The following EEFSEC variants were observed in gnomAD, a reference collection of about 807,000 sequenced individuals.
EEFSEC encodes the protein eukaryotic elongation factor, selenocysteine-tRNA specific, also known as selenocysteine-specific elongation factor.
In EEFSEC, 43 loss-of-function variants were observed where a neutral mutation model predicts 42.1. The ratio of observed to expected loss-of-function variants is 1.02; its 90% CI spans 0.80 to 1.32. The LOEUF (loss-of-function observed/expected upper bound fraction) is 1.32, where lower values mean the gene tolerates loss of function less well. Ranked by LOEUF, EEFSEC falls within the 40% of genes most tolerant of loss-of-function variation. The probability of loss-of-function intolerance (pLI) is 0.00; values close to 1 mark genes in which losing one functional copy is unlikely to be tolerated. For missense variants in EEFSEC, 745 were observed against 803.6 expected, an observed-to-expected ratio of 0.93 and a Z score of 0.88; for synonymous variants, 354 against 339.1, an observed-to-expected ratio of 1.04 and a Z score of -0.48.
chr3:128,240,183 T>G (rs930517296), intron 1 of EEFSEC, among the ~76,000 whole-genome samples: 1 of 152,168 alleles, frequency 6.6e-6, no homozygotes, highest in South Asian at 2.1e-4. Flanking sequence ...TTTGTCCACT[T>G]GTGTTTGCCT....
At chr3:128,400,188 C>T (rs2068032733) in intron 6 of EEFSEC, among the ~76,000 whole-genome samples, 1 of 152,254 alleles carries the variant, frequency 6.6e-6, no homozygotes, top group Non-Finnish European at 1.5e-5. Flanking sequence ...GTGCCACCCA[C>T]ACACCTCCGT....
In EEFSEC at chr3:128,234,241, T is replaced by C. The variant is rs56726651; in HGVS notation, c.317-12595T>C. 8.9e-3 allele frequency among the ~76,000 whole-genome samples: 1,353 copies of C among 152,136 alleles called. 25 individuals carry two copies. Among genetic ancestry groups the C allele is most frequent in the African/African-American group, 0.03 (1,256 of 41,494 alleles). On this transcript the variant is annotated intron_variant, in intron 1 of 6. Coordinates refer to ENST00000254730, the MANE Select transcript of EEFSEC (RefSeq NM_021937.5). ...CTAATTATTGTATTTTTAGTAGAGA[T>C]GGCATTTCATCATGTTGGCCAGGCT...
the EEFSEC span, among the ~76,000 whole-genome samples, chr3:128,420,496 G>A: frequency 6.6e-6 from 1 of 152,262 alleles, no homozygotes; most frequent in East Asian, 1.9e-4. Flanking sequence ...AGGTGTGGGC[G>A]CCCTGCTCAG....
chr3:128,222,772 AG>A (rs1217033625), intron 1 of EEFSEC, among the ~76,000 whole-genome samples: 1 of 152,270 alleles, frequency 6.6e-6, no homozygotes, highest in Non-Finnish European at 1.5e-5. Context: ...CTGTAAAGGA[AG>A]GAAGGGACAG....
chr3:128,187,737 C>T (rs550644607), intron 1 of EEFSEC, among the ~76,000 whole-genome samples: 2 of 152,276 alleles, frequency 1.3e-5, no homozygotes, highest in African/African-American at 4.8e-5. Flanking sequence ...GCATCAAAGA[C>T]CATACAATAC....
At chr3:128,304,811 C>T (rs1341686185) in intron 4 of EEFSEC, among the ~76,000 whole-genome samples, 1 of 152,094 alleles carries the variant, frequency 6.6e-6, no homozygotes, top group African/African-American at 2.4e-5. Flanking sequence ...TCAGATGATC[C>T]TCCCACCTCA....
intron 4 of EEFSEC, among the ~76,000 whole-genome samples, chr3:128,315,270 G>A (rs73861039): frequency 0.011 from 1,750 of 152,342 alleles, 26 homozygotes; most frequent in African/African-American, 0.037. Flanking sequence ...GGCCCAGGGT[G>A]AGGTATGTGA....
intron 6 of EEFSEC, among the ~76,000 whole-genome samples, chr3:128,392,250 A>T (rs1277550830): frequency 6.6e-6 from 1 of 152,192 alleles, no homozygotes; most frequent in Admixed American, 6.5e-5. Flanking sequence ...GACATTGCAG[A>T]TGCAGGTTCT....
At chr3:128,412,482 G>A (rs2068180712), downstream of EEFSEC, among the ~76,000 whole-genome samples, 1 of 152,238 alleles carries the variant, frequency 6.6e-6, no homozygotes, top group Non-Finnish European at 1.5e-5. Flanking sequence ...CTCCTGCCAA[G>A]GGGCTGCATG....
At chr3:128,233,971 A>G (rs1291481387) in intron 1 of EEFSEC, among the ~76,000 whole-genome samples, 1 of 152,160 alleles carries the variant, frequency 6.6e-6, no homozygotes, top group African/African-American at 2.4e-5. Context: ...TAAGCATGCA[A>G]TATGTGTTCA....
chr3:128,335,337 G>C (rs2067178029), intron 4 of EEFSEC, among the ~76,000 whole-genome samples: 1 of 152,212 alleles, frequency 6.6e-6, no homozygotes, highest in Non-Finnish European at 1.5e-5. Flanking sequence ...GAGAGTGACA[G>C]GGATAGGCCA....
chr3:128,224,454 A>G (rs1473583461), intron 1 of EEFSEC, among the ~76,000 whole-genome samples: 1 of 152,166 alleles, frequency 6.6e-6, no homozygotes, highest in Non-Finnish European at 1.5e-5. Flanking sequence ...CTCACTTAAC[A>G]TTTATCATGT....
chr3:128,282,342 G>C (rs767782895), intron 4 of EEFSEC, among the ~76,000 whole-genome samples: 1 of 152,240 alleles, frequency 6.6e-6, no homozygotes, highest in Admixed American at 6.5e-5. Flanking sequence ...TTTTTGATGT[G>C]CACCATGGAT....
intron 5 of EEFSEC, among the ~76,000 whole-genome samples, chr3:128,353,870 G>C (rs1313544197): frequency 6.6e-6 from 1 of 152,144 alleles, no homozygotes. Context: ...AATGATATGG[G>C]GACACCTCAC....
At chr3:128,277,041 C>T (rs1249831140) in intron 4 of EEFSEC, among the ~76,000 whole-genome samples, 9 of 152,312 alleles carry the variant, frequency 5.9e-5, no homozygotes, top group South Asian at 4.1e-4. Flanking sequence ...CTGGGCAGAG[C>T]GGCTCTGCCT....
At chr3:128,187,475 T>C (rs1399117427) in intron 1 of EEFSEC, among the ~76,000 whole-genome samples, 1 of 152,194 alleles carries the variant, frequency 6.6e-6, no homozygotes, top group Non-Finnish European at 1.5e-5. Context: ...CTTCAGCCAG[T>C]TGGTTACTTG....
intron 4 of EEFSEC, among the ~76,000 whole-genome samples, chr3:128,266,930 C>T (rs2066360326): frequency 6.6e-6 from 1 of 152,100 alleles, no homozygotes; most frequent in South Asian, 2.1e-4. Context: ...GAAAATGAAT[C>T]AGTACTAAAT....
At chr3:128,301,616 C>A (rs1038040831) in intron 4 of EEFSEC, among the ~76,000 whole-genome samples, 8 of 152,160 alleles carry the variant, frequency 5.3e-5, no homozygotes, top group East Asian at 3.8e-4. Flanking sequence ...CTGTTCACCC[C>A]CTACCTGTCC....
intron 6 of EEFSEC, among the ~76,000 whole-genome samples, chr3:128,389,019 G>A (rs1463957748): frequency 6.6e-6 from 1 of 152,188 alleles, no homozygotes; most frequent in Non-Finnish European, 1.5e-5. Flanking sequence ...GTCAGCTGGG[G>A]CCACCACCTG....
Sources: allele counts gnomAD v4.1 joint callset (sites outside exome capture counted in the v4.1 genomes callset), GRCh38; gene constraint gnomAD v4.1.1; transcripts MANE v1.5; gene names NCBI Gene and HGNC (gene_info 2026-07-23, HGNC 2026-07-21).